FRMPD4: variants seen among roughly 807,000 people sequenced by gnomAD.
FRMPD4 encodes FERM and PDZ domain-containing protein 4.
Under a neutral mutation model 94.1 loss-of-function variants are expected in FRMPD4, and 22 were observed. The observed-to-expected ratio is 0.23, with a 90% CI of 0.17 to 0.33. FRMPD4 has a LOEUF of 0.33. Ranked by LOEUF, FRMPD4 falls within the 10% of genes least tolerant of loss-of-function variation. The pLI, the probability that FRMPD4 is intolerant of heterozygous loss-of-function variation, is 1.00. For missense variants in FRMPD4, 1,111 were observed against 1,339.9 expected, an observed-to-expected ratio of 0.83 and a Z score of 2.67; for synonymous variants, 631 against 548.6, an observed-to-expected ratio of 1.15 and a Z score of -2.10.
intron 3 of FRMPD4, among the ~76,000 whole-genome samples, chrX:11,886,392 A>T (rs1200835606): frequency 9.0e-6 from 1 of 111,347 alleles, no homozygotes; most frequent in Admixed American, 9.5e-5. Context: ...TCCTGATTAC[A>T]AAGCACAAAG....
chrX:12,453,815 G>T (rs1281298228), intron 1 of FRMPD4, among the ~76,000 whole-genome samples: 1 of 111,916 alleles, frequency 8.9e-6, no homozygotes, highest in African/African-American at 3.2e-5. Context: ...TTGATGATTT[G>T]CATGGATTAT....
intron 2 of FRMPD4, among the ~76,000 whole-genome samples, chrX:12,589,257 C>G (rs1469185658): frequency 9.0e-6 from 1 of 111,696 alleles, no homozygotes. Context: ...AGGTGGCTCA[C>G]TTGTGGCTTC....
chrX:12,378,191 G>A (rs1296237322), intron 1 of FRMPD4, among the ~76,000 whole-genome samples: 1 of 111,747 alleles, frequency 8.9e-6, no homozygotes, highest in African/African-American at 3.3e-5. Context: ...AGCCTGCCGG[G>A]GATAATGTTT....
At chrX:12,115,814 C>G (rs139794070) in intron 3 of FRMPD4, among the ~76,000 whole-genome samples, 2 of 110,949 alleles carry the variant, frequency 1.8e-5, no homozygotes, top group South Asian at 7.8e-4. Context: ...AATTTATCAC[C>G]TGGACGACTT....
At chrX:12,648,753 G>C (rs1241124365) in intron 4 of FRMPD4, among the ~76,000 whole-genome samples, 2 of 112,178 alleles carry the variant, frequency 1.8e-5, no homozygotes, top group Non-Finnish European at 3.8e-5. Flanking sequence ...CTTTTTATGG[G>C]AACTTTGAAT....
chrX:12,114,413 AAATT>A (rs1204276157), intron 3 of FRMPD4, among the ~76,000 whole-genome samples: 1 of 112,346 alleles, frequency 8.9e-6, no homozygotes, highest in East Asian at 2.8e-4. Flanking sequence ...ATAAATGAGT[AAATT>A]AATCTCTCTC....
Position 11,978,321 on chromosome X carries a change from C to CAAAAAA in FRMPD4, c.95+100326_95+100331dup, listed in dbSNP as rs1172824155. ...TGGATGACAGAGTGAAACTCCATCT[C>CAAAAAA]AAAAAAAAAAAAAAAAAAAAAAAAA... On this transcript the variant is annotated intron_variant, in intron 3 of 18. Transcript: ENST00000640291. 1.1e-3 allele frequency among the ~76,000 whole-genome samples: 18 copies of CAAAAAA among 16,351 alleles called. 1 individual carries two copies. Among genetic ancestry groups the CAAAAAA allele is most frequent in the African/African-American group, 3.6e-3 (16 of 4,449 alleles). 14.2% of individuals were successfully genotyped at this position (16,351 alleles called of 115,157 possible).
rs1002384082 is a variant in FRMPD4 at position 12,636,286 on chromosome X, T to A, written c.422+21405T>A. Among the ~76,000 whole-genome samples, 7 of 111,677 alleles carry A rather than the reference T, an allele frequency of 6.3e-5. No individual in the cohort carries two copies. The South Asian group carries it at 1.1e-3, about 18-fold the overall frequency. ...CTCTTTTTTATTGTCTTTGAAAAAA[T>A]TTATTTATAGTTTTTTTAAAGTTTT... On this transcript the variant is annotated intron_variant, in intron 4 of 16. Transcript: ENST00000675598.
Position 12,087,064 on chromosome X carries a change from C to T in FRMPD4, c.95+209046C>T, listed in dbSNP as rs1485635495. 2.7e-5 allele frequency among the ~76,000 whole-genome samples: 3 copies of T among 111,400 alleles called. No homozygotes were observed. In the East Asian group the frequency reaches 8.5e-4, roughly 32 times the overall value. On this transcript the variant is annotated intron_variant, in intron 3 of 18. Transcript: ENST00000640291. ...TCACTTCCAGGCCCCAAGGGAGAGT[C>T]TCTCACTCCAACCTGCTGAGATAGA...
chrX:12,434,724 T>G (rs1342739356), intron 1 of FRMPD4, among the ~76,000 whole-genome samples: 1 of 112,452 alleles, frequency 8.9e-6, no homozygotes, highest in Non-Finnish European at 1.9e-5. Context: ...CTCCTGGTGC[T>G]GGGGTGAATA....
chrX:12,138,557 G>C lies in FRMPD4; in HGVS notation c.-415G>C. ...TCCGTCTGCGCTCCTCGGTGCGTGGGGCACGAGGGTCCGAGGGCCGGGAAG... is the reference window on the plus strand; with the variant it reads ...TCCGTCTGCGCTCCTCGGTGCGTGGCGCACGAGGGTCCGAGGGCCGGGAAG... On this transcript the variant is annotated 5_prime_UTR_variant, in exon 1 of 17. Transcript: ENST00000675598. 4.1e-6 allele frequency: 1 copy of C among 245,634 alleles called. No individual in the cohort carries two copies. The highest frequency in any genetic ancestry group is 7.2e-6 in the Non-Finnish European group (1 of 138,270). 20.2% of individuals were successfully genotyped at this position (245,634 alleles called of 1,213,427 possible). A position where few individuals can be genotyped will look rare whatever the true frequency, so the allele number is the denominator to read the frequency against.
intron 3 of FRMPD4, among the ~76,000 whole-genome samples, chrX:11,923,459 C>T (rs1369483171): frequency 8.9e-6 from 1 of 112,038 alleles, no homozygotes; most frequent in African/African-American, 3.2e-5. Flanking sequence ...GGCCCCCTTA[C>T]CCCCTACCCC....
At chrX:12,006,109 T>G (rs941780486) in intron 3 of FRMPD4, among the ~76,000 whole-genome samples, 3 of 111,869 alleles carry the variant, frequency 2.7e-5, no homozygotes, top group African/African-American at 9.8e-5. Flanking sequence ...AAGCTCCTGG[T>G]CCCTACATCC....
intron 1 of FRMPD4, among the ~76,000 whole-genome samples, chrX:12,496,294 A>C (rs1289345528): frequency 8.9e-6 from 1 of 112,046 alleles, no homozygotes; most frequent in Non-Finnish European, 1.9e-5. Context: ...CTTTTTGGCT[A>C]AATCTGGCAA....
At chrX:12,712,986 G>A (rs2042013633) in intron 14 of FRMPD4, among the ~76,000 whole-genome samples, 1 of 110,714 alleles carries the variant, frequency 9.0e-6, no homozygotes, top group African/African-American at 3.3e-5. Flanking sequence ...ATTGAGGTGG[G>A]AGGATCATGC....
intron 1 of FRMPD4, among the ~76,000 whole-genome samples, chrX:12,334,604 A>G (rs1279213395): frequency 9.7e-6 from 1 of 103,452 alleles, no homozygotes; most frequent in Non-Finnish European, 1.9e-5. Context: ...AACCCTCTTC[A>G]TTGGTGAAAA....
At chrX:11,875,412 G>C (rs1384299679) in intron 2 of FRMPD4, among the ~76,000 whole-genome samples, 1 of 111,620 alleles carries the variant, frequency 9.0e-6, no homozygotes, top group Non-Finnish European at 1.9e-5. Context: ...TTTAAAAAAG[G>C]AAAGAAAAAT....
chrX:12,481,513 A>T (rs1483303411), intron 1 of FRMPD4, among the ~76,000 whole-genome samples: 1 of 111,274 alleles, frequency 9.0e-6, no homozygotes, highest in Non-Finnish European at 1.9e-5. Context: ...TGACTCACCA[A>T]AACTCAACTA....
intron 1 of FRMPD4, among the ~76,000 whole-genome samples, chrX:12,152,796 A>G (rs999660147): frequency 9.1e-6 from 1 of 109,937 alleles, no homozygotes; most frequent in African/African-American, 3.3e-5. Context: ...TACTTTTTGC[A>G]TAGAATTTAG....
Sources: gnomAD v4.1 joint callset for allele counts (sites outside exome capture counted in the v4.1 genomes callset) on GRCh38, gnomAD v4.1.1 for gene constraint, MANE v1.5 for transcripts, NCBI Gene and HGNC (gene_info 2026-07-23, HGNC 2026-07-21) for gene names.